STRN3: variants seen among roughly 807,000 people sequenced by gnomAD.
STRN3 encodes striatin-3.
In STRN3, 29 loss-of-function variants were observed where a neutral mutation model predicts 95.6. The ratio of observed to expected loss-of-function variants is 0.30; its 90% CI spans 0.23 to 0.41. STRN3 has a LOEUF of 0.41. STRN3 is among the 10% of genes least tolerant of loss of function. The pLI is 1.00. For synonymous variants in STRN3, 331 were observed against 357.6 expected (o/e 0.93, Z 0.84); for missense variants, 890 against 972.1 (o/e 0.92, Z 1.12).
At chr14:30,941,295 A>G (rs1429053958) in intron 5 of STRN3, among the ~76,000 whole-genome samples, 1 of 152,174 alleles carries the variant, frequency 6.6e-6, no homozygotes, top group African/African-American at 2.4e-5. Context: ...AGGCCCAGCC[A>G]TTTCACTGAC....
intron 16 of STRN3, among the ~76,000 whole-genome samples, chr14:30,895,991 GA>G (rs1896136984): frequency 6.6e-6 from 1 of 152,028 alleles, no homozygotes; most frequent in South Asian, 2.1e-4. Context: ...TTCATCACTG[GA>G]AAAGGAAACC....
At chr14:30,998,053 T>C (rs529060773) in intron 1 of STRN3, among the ~76,000 whole-genome samples, 34 of 152,272 alleles carry the variant, frequency 2.2e-4, no homozygotes, top group African/African-American at 7.7e-4. Context: ...TTCCACAGTA[T>C]CCATGAAATC....
chr14:31,001,626 G>A (rs902820572), intron 1 of STRN3, among the ~76,000 whole-genome samples: 2 of 152,050 alleles, frequency 1.3e-5, no homozygotes, highest in Non-Finnish European at 2.9e-5. Context: ...TCATAGTCAA[G>A]TAAAACTCGG....
chr14:30,938,029 A>G (rs1594464173), intron 5 of STRN3, among the ~76,000 whole-genome samples: 1 of 152,214 alleles, frequency 6.6e-6, no homozygotes, highest in East Asian at 1.9e-4. Context: ...TACCTAATAC[A>G]CTGTAAATAC....
intron 11 of STRN3, 65 bp downstream of exon 11, chr14:30,911,942 G>A: frequency 1.3e-6 from 2 of 1,570,264 alleles, no homozygotes; most frequent in East Asian, 2.2e-5. Flanking sequence ...CAACAATAAT[G>A]AGGAATAATT....
chr14:30,978,298 T>A (rs1008346511), intron 1 of STRN3, among the ~76,000 whole-genome samples: 2 of 152,240 alleles, frequency 1.3e-5, no homozygotes, highest in South Asian at 4.1e-4. Context: ...TAGGATTTAT[T>A]CCAGGCATAC....
rs1299469387 is a variant in STRN3, at chr14:30,894,776, C to T, written c.*635G>A. 1.3e-5 allele frequency: 3 copies of T among 224,406 alleles called. No individual in the cohort carries two copies. The highest frequency in any genetic ancestry group is 2.5e-5 in the Non-Finnish European group (3 of 118,276). The allele number at this position is 224,406 out of a possible 1,614,324, so 13.9% of individuals were successfully genotyped here. A position where few individuals can be genotyped will look rare whatever the true frequency, so the allele number is the denominator to read the frequency against. On this transcript the variant is annotated 3_prime_UTR_variant, in exon 18 of 18. Coordinates refer to ENST00000357479, the MANE Select transcript of STRN3 (RefSeq NM_001083893.2). The stretch of plus-strand genomic sequence containing the variant: ...TGTATAATGCAGAAAAACTTCAATA[C>T]AATCTTGAGCACTGTTGTGACAGGC...
At chr14:30,966,721 C>T (rs1185109245) in intron 1 of STRN3, among the ~76,000 whole-genome samples, 2 of 152,134 alleles carry the variant, frequency 1.3e-5, no homozygotes, top group Non-Finnish European at 2.9e-5. Flanking sequence ...ACCCTGCTTG[C>T]GGTGTTGTGT....
intron 5 of STRN3, among the ~76,000 whole-genome samples, chr14:30,944,452 T>C (rs1241654939): frequency 1.3e-5 from 2 of 149,530 alleles, no homozygotes; most frequent in Admixed American, 6.7e-5. Context: ...AAAATACACA[T>C]ACACACATAT....
intron 1 of STRN3, among the ~76,000 whole-genome samples, chr14:31,024,616 G>A (rs1183756635): frequency 6.6e-6 from 1 of 152,018 alleles, no homozygotes; most frequent in African/African-American, 2.4e-5. Context: ...CCCACTTTGT[G>A]GAGTCATATA....
At chr14:30,914,003 G>C (rs1453405486) in intron 9 of STRN3, among the ~76,000 whole-genome samples, 1 of 152,114 alleles carries the variant, frequency 6.6e-6, no homozygotes, top group Non-Finnish European at 1.5e-5. Flanking sequence ...TTAAATAATG[G>C]AGTTAAATAT....
intron 8 of STRN3, among the ~76,000 whole-genome samples, chr14:30,920,529 C>T (rs984440947): frequency 5.3e-5 from 8 of 152,158 alleles, no homozygotes; most frequent in African/African-American, 1.9e-4. Context: ...TTTAATTTCG[C>T]TTCCTAAAAT....
At chr14:30,962,163 C>T (rs1213870883) in intron 1 of STRN3, among the ~76,000 whole-genome samples, 2 of 150,992 alleles carry the variant, frequency 1.3e-5, no homozygotes, top group Admixed American at 6.6e-5. Context: ...TCATTTCTAA[C>T]AAAAAAAGTT....
chr14:30,981,427 G>C (rs182241537), intron 1 of STRN3, among the ~76,000 whole-genome samples: 1 of 152,156 alleles, frequency 6.6e-6, no homozygotes, highest in South Asian at 2.1e-4. Flanking sequence ...TGGGGCTAGA[G>C]GCAAGGTTCA....
At chr14:30,908,744 T>C (rs1234497669) in intron 13 of STRN3, among the ~76,000 whole-genome samples, 2 of 152,224 alleles carry the variant, frequency 1.3e-5, no homozygotes, top group Non-Finnish European at 2.9e-5. Flanking sequence ...GCTCTCTTGC[T>C]CTAGCCACTC....
chr14:30,977,793 C>T (rs71417937), intron 1 of STRN3, among the ~76,000 whole-genome samples: 11,073 of 27,608 alleles, frequency 0.4, 553 homozygotes, highest in Non-Finnish European at 0.44. Context: ...GACTCTATCT[C>T]GAAAAAAAAA....
chr14:30,936,083 C>G (rs1352025025), intron 6 of STRN3, among the ~76,000 whole-genome samples: 2 of 152,194 alleles, frequency 1.3e-5, no homozygotes, highest in Non-Finnish European at 2.9e-5. Context: ...TACTAAAATA[C>G]AAGAATGTTG....
intron 1 of STRN3, among the ~76,000 whole-genome samples, chr14:30,966,139 C>A (rs567030464): frequency 6.6e-6 from 1 of 152,142 alleles, no homozygotes; most frequent in East Asian, 1.9e-4. Context: ...ATTAGTTTAG[C>A]CTGTGCATCC....
At chr14:30,936,178 G>T (rs2139075344) in intron 6 of STRN3, among the ~76,000 whole-genome samples, 1 of 152,340 alleles carries the variant, frequency 6.6e-6, no homozygotes, top group East Asian at 1.9e-4. Context: ...TCACTGGTGT[G>T]CTGTACATGA....
Sources: allele counts gnomAD v4.1 joint callset (sites outside exome capture counted in the v4.1 genomes callset), GRCh38; gene constraint gnomAD v4.1.1; transcripts MANE v1.5; gene names NCBI Gene and HGNC (gene_info 2026-07-23, HGNC 2026-07-21).